XKR6: variants seen among roughly 807,000 people sequenced by gnomAD.
XKR6 encodes XK related 6.
In XKR6, 22 loss-of-function variants were observed where a neutral mutation model predicts 56.7. The ratio of observed to expected loss-of-function variants is 0.39; its 90% CI spans 0.28 to 0.55. The LOEUF is 0.55. Ranked by LOEUF, XKR6 falls within the 20% of genes least tolerant of loss-of-function variation. The probability of loss-of-function intolerance (pLI) is 0.66; values close to 1 mark genes in which losing one functional copy is unlikely to be tolerated. For missense variants in XKR6, 852 were observed against 889.0 expected, an observed-to-expected ratio of 0.96 and a Z score of 0.53; for synonymous variants, 524 against 387.8, an observed-to-expected ratio of 1.35 and a Z score of -4.13.
chr8:10,914,029 G>A (rs866653227), intron 2 of XKR6, among the ~76,000 whole-genome samples: 2 of 152,190 alleles, frequency 1.3e-5, no homozygotes, highest in Admixed American at 6.5e-5. Flanking sequence ...ATCTTGCCTC[G>A]GGATGGCCCT....
At chr8:11,113,890 A>C in intron 1 of XKR6, 1 of 236,624 alleles carries the variant, frequency 4.2e-6, no homozygotes, top group South Asian at 4.7e-5. Context: ...TACAACTTTA[A>C]AATGTTTTTA....
chr8:10,915,665 G>A (rs1800542925), intron 2 of XKR6, among the ~76,000 whole-genome samples: 1 of 152,118 alleles, frequency 6.6e-6, no homozygotes, highest in African/African-American at 2.4e-5. Context: ...CATTTAACAG[G>A]GTAATGGTTT....
At chr8:11,082,102 G>T (rs1797742411) in intron 1 of XKR6, among the ~76,000 whole-genome samples, 1 of 152,226 alleles carries the variant, frequency 6.6e-6, no homozygotes, top group Non-Finnish European at 1.5e-5. Context: ...TCCTTCCACT[G>T]CCAGAAGATG....
intron 1 of XKR6, among the ~76,000 whole-genome samples, chr8:11,053,471 T>C (rs1398459922): frequency 6.6e-6 from 1 of 152,164 alleles, no homozygotes; most frequent in African/African-American, 2.4e-5. Context: ...CTCTTCCCCA[T>C]TCCCAGACAG....
intron 1 of XKR6, among the ~76,000 whole-genome samples, chr8:11,087,929 A>G (rs9657519): frequency 0.52 from 79,165 of 152,090 alleles, 22,382 homozygotes; most frequent in African/African-American, 0.7. Flanking sequence ...CAAAGTTTCC[A>G]AAGAGCCTAC....
At chr8:11,147,728 G>C (rs189718448) in intron 1 of XKR6, among the ~76,000 whole-genome samples, 1 of 151,978 alleles carries the variant, frequency 6.6e-6, no homozygotes, top group East Asian at 1.9e-4. Flanking sequence ...AGCCATTAGG[G>C]AGAAGCAAAT....
chr8:10,919,290 G>C (rs1371106216), intron 2 of XKR6, among the ~76,000 whole-genome samples: 3 of 152,180 alleles, frequency 2.0e-5, no homozygotes, highest in Admixed American at 6.5e-5. Flanking sequence ...AGCTTAACTG[G>C]CAGCTCTCTG....
At chr8:10,974,394 C>G (rs1802493202) in intron 1 of XKR6, among the ~76,000 whole-genome samples, 1 of 152,194 alleles carries the variant, frequency 6.6e-6, no homozygotes, top group Non-Finnish European at 1.5e-5. Context: ...CCTTCCAAAC[C>G]AGGTGAGGGC....
At chr8:11,108,026 C>T (rs1235527992) in intron 1 of XKR6, 5 of 321,164 alleles carry the variant, frequency 1.6e-5, no homozygotes, top group East Asian at 9.4e-5. Flanking sequence ...CACGATGCGC[C>T]TCTCAGCGAG....
intron 1 of XKR6, among the ~76,000 whole-genome samples, chr8:11,151,669 C>T (rs371986755): frequency 2.6e-5 from 4 of 151,866 alleles, no homozygotes; most frequent in African/African-American, 7.3e-5. Flanking sequence ...TCCAGACCCA[C>T]GATCCATTTG....
intron 1 of XKR6, among the ~76,000 whole-genome samples, chr8:10,976,811 G>A (rs986094985): frequency 1.3e-5 from 2 of 151,784 alleles, no homozygotes; most frequent in Non-Finnish European, 2.9e-5. Flanking sequence ...AGGCTACCTA[G>A]GATTTTACTT....
At chr8:11,015,769 A>G (rs1190378990) in intron 1 of XKR6, among the ~76,000 whole-genome samples, 1 of 151,806 alleles carries the variant, frequency 6.6e-6, no homozygotes, top group East Asian at 1.9e-4. Context: ...TTAAGGTGAG[A>G]AGTGGGAGGG....
chr8:10,924,237 T>C (rs930069141), intron 2 of XKR6, among the ~76,000 whole-genome samples: 1 of 152,246 alleles, frequency 6.6e-6, no homozygotes, highest in African/African-American at 2.4e-5. Context: ...TGCTGCCCAA[T>C]ATGACGGCCC....
At chr8:11,006,701 C>G (rs186521592) in intron 1 of XKR6, among the ~76,000 whole-genome samples, 2 of 152,248 alleles carry the variant, frequency 1.3e-5, no homozygotes, top group African/African-American at 2.4e-5. Context: ...ACCCAGAGAG[C>G]TAAGTGGGCC....
intron 1 of XKR6, among the ~76,000 whole-genome samples, chr8:11,034,811 G>A (rs926677323): frequency 3.3e-5 from 5 of 152,192 alleles, no homozygotes; most frequent in Non-Finnish European, 7.3e-5. Flanking sequence ...GGCCAGGTCT[G>A]CTCTGTGCTC....
At chr8:11,072,011 AT>A (rs201083211) in intron 1 of XKR6, among the ~76,000 whole-genome samples, 3 of 152,154 alleles carry the variant, frequency 2.0e-5, no homozygotes, top group Non-Finnish European at 2.9e-5. Flanking sequence ...AAAACACCCA[AT>A]TTTTTTTAAC....
intron 1 of XKR6, among the ~76,000 whole-genome samples, chr8:11,038,042 AG>A (rs1799191039): frequency 7.0e-6 from 1 of 143,722 alleles, no homozygotes; most frequent in Non-Finnish European, 1.5e-5. Context: ...AAAAAAAAAA[AG>A]ATTGAATGCT....
At chr8:11,091,140 CAAG>C (rs1798055258) in intron 1 of XKR6, among the ~76,000 whole-genome samples, 1 of 152,098 alleles carries the variant, frequency 6.6e-6, no homozygotes, top group Non-Finnish European at 1.5e-5. Flanking sequence ...AGAGAAAAAG[CAAG>C]ACAAAGGCCT....
chr8:11,137,760 C>A (rs1022145321), intron 1 of XKR6: 2 of 451,968 alleles, frequency 4.4e-6, no homozygotes, highest in African/African-American at 4.1e-5. Context: ...AATCCTGCTC[C>A]GGTCCTCTTT....
Sources: allele counts gnomAD v4.1 joint callset (sites outside exome capture counted in the v4.1 genomes callset), GRCh38; gene constraint gnomAD v4.1.1; transcripts MANE v1.5; gene names NCBI Gene and HGNC (gene_info 2026-07-23, HGNC 2026-07-21).